HDAC7: variants seen among roughly 807,000 people sequenced by gnomAD.
HDAC7 encodes the protein histone deacetylase 7A.
HDAC7 carries 26 observed loss-of-function variants against 115.5 expected under a neutral mutation model. The ratio of observed to expected loss-of-function variants is 0.23; its 90% CI spans 0.16 to 0.31. The LOEUF is 0.31. HDAC7 is among the 10% of genes least tolerant of loss of function. The probability of loss-of-function intolerance (pLI) is 1.00; values close to 1 mark genes in which losing one functional copy is unlikely to be tolerated. For synonymous variants in HDAC7, 564 were observed against 550.9 expected (o/e 1.02, Z -0.33); for missense variants, 1,068 against 1,329.0 (o/e 0.80, Z 3.05).
rs934890288 is a variant in HDAC7 at position 47,784,227 on chromosome 12, G to A, written c.2792-10C>T. 1 of 1,607,654 alleles carries A rather than the reference G, an allele frequency of 6.2e-7. No individual in the cohort carries two copies. The highest frequency in any genetic ancestry group is 8.5e-7 in the Non-Finnish European group (1 of 1,177,054). The stretch of plus-strand genomic sequence containing the variant: ...CAGCCCCAGTATTTACCTGGGGTAA[G>A]ATGCCAGGTCAGAAAGGGTTGGAGA... On this transcript the variant is annotated splice_polypyrimidine_tract_variant and intron_variant, in intron 24 of 25. Coordinates refer to ENST00000080059, the MANE Select transcript of HDAC7 (RefSeq NM_015401.5).
At position 47,795,376 on chromosome 12, in the gene HDAC7, G is replaced by A. The variant is rs751392669; in HGVS notation, c.1092C>T (p.Pro364=). The part of the protein sequence containing the change: ...SGSHAPLLTV[P]GLGPLPFHFA... The stretch of plus-strand genomic sequence containing the variant: ...AGTGGAAGGGCAAGGGCCCAAGCCC[G>A]GGCACTGGAAAGAATCGGGGGGTGG... Residue 364 remains proline (P), a synonymous_variant, in exon 11 of 26, where the codon CCC becomes CCT. Coordinates refer to ENST00000080059, the MANE Select transcript of HDAC7 (RefSeq NM_015401.5). The surrounding 1 kb of genome is among the most constrained non-coding windows in gnomAD (Gnocchi z 4.3). 2.2e-5 allele frequency: 35 copies of A among 1,593,730 alleles called. No homozygotes were observed. Among genetic ancestry groups the A allele is most frequent in the Middle Eastern group, 1.7e-4 (1 of 5,978 alleles).
At position 47,797,732 on chromosome 12, in the gene HDAC7, G is replaced by A. The variant is rs1332614338; in HGVS notation, c.462-233C>T. On this transcript the variant is annotated intron_variant, in intron 5 of 25. Coordinates refer to ENST00000080059, the MANE Select transcript of HDAC7 (RefSeq NM_015401.5). This position sits in a 1 kb window ranked among gnomAD's most constrained non-coding sequence, Gnocchi z 5.5. ...TAGAAGCCAGGTGCTTGGTGCGTGG[G>A]TGAAGAGCCCACTGGGGGCTCTGTC... Among the ~76,000 whole-genome samples, 1 of 152,196 alleles carries A rather than the reference G, an allele frequency of 6.6e-6. No individual in the cohort carries two copies. The highest frequency in any genetic ancestry group is 1.5e-5 in the Non-Finnish European group (1 of 68,026).
intron 1 of HDAC7, among the ~76,000 whole-genome samples, chr12:47,804,990 T>G (rs1380782726): frequency 3.3e-5 from 5 of 152,114 alleles, no homozygotes; most frequent in African/African-American, 9.6e-5. Context: ...AGGAGCTTCA[T>G]GTCTTCAGTG....
chr12:47,802,475 C>A (rs1205936644), intron 1 of HDAC7: 2 of 1,551,082 alleles, frequency 1.3e-6, no homozygotes, highest in Admixed American at 2.0e-5. Flanking sequence ...GTGAAAAGGG[C>A]TCCCAGCTCC....
intron 13 of HDAC7, 36 bp from the exon 14 acceptor site, chr12:47,792,040 G>T (rs370233133): frequency 6.4e-7 from 1 of 1,572,222 alleles, no homozygotes; most frequent in Non-Finnish European, 8.7e-7. Flanking sequence ...GACCCAGGGA[G>T]TCCTCACGCC....
chr12:47,797,966 G>T lies in HDAC7; in HGVS notation c.461+142C>A. ...AGGTATCAGTTGAGAGAGGGGCTCG[G>T]GGGCATTATGTTTAGAGGAAGGGTA... is the stretch of plus-strand genomic sequence containing the variant. On this transcript the variant is annotated intron_variant, in intron 5 of 25. Coordinates refer to ENST00000080059, the MANE Select transcript of HDAC7 (RefSeq NM_015401.5). This position sits in a 1 kb window ranked among gnomAD's most constrained non-coding sequence, Gnocchi z 5.5. The T allele has an allele frequency of 1.4e-6, 1 of 711,584 alleles. No homozygotes were observed. The highest frequency in any genetic ancestry group is 2.6e-6 in the Non-Finnish European group (1 of 389,224). 44.1% of individuals were successfully genotyped at this position (711,584 alleles called of 1,614,324 possible).
chr12:47,798,660 C>A lies in HDAC7; in HGVS notation c.259-8G>T, dbSNP rs767427120. ...CGGCGTGTCCATGGAGAGCTGTGGG[C>A]AGGGCCGGCAGCCCAGAAAGGGACA... On this transcript the variant is annotated splice_polypyrimidine_tract_variant and splice_region_variant and intron_variant, in intron 3 of 25. Transcript: ENST00000080059. This position sits in a 1 kb window ranked among gnomAD's most constrained non-coding sequence, Gnocchi z 4.3. 1 of 1,610,446 alleles carries A rather than the reference C, an allele frequency of 6.2e-7. No homozygotes were observed. Among genetic ancestry groups the A allele is most frequent in the Non-Finnish European group, 8.5e-7 (1 of 1,178,284 alleles).
chr12:47,805,976 A>G (rs1944384957), intron 1 of HDAC7, among the ~76,000 whole-genome samples: 1 of 152,234 alleles, frequency 6.6e-6, no homozygotes, highest in Admixed American at 6.5e-5. Context: ...AACAAGTACA[A>G]TACTTGCAGA....
chr12:47,802,787 G>A (rs1944231976), intron 1 of HDAC7, among the ~76,000 whole-genome samples: 1 of 152,150 alleles, frequency 6.6e-6, no homozygotes, highest in Admixed American at 6.5e-5. Flanking sequence ...GGGAGTGAAA[G>A]GAGCAGGAGG....
intron 17 of HDAC7, 76 bp from the exon 18 acceptor site, chr12:47,789,654 C>T: frequency 6.6e-7 from 1 of 1,526,392 alleles, no homozygotes; most frequent in Non-Finnish European, 9.1e-7. Context: ...CCAAGAGTTC[C>T]AATCTCAACC....
At chr12:47,787,978 C>T in intron 20 of HDAC7, 67 bp downstream of exon 20, 1 of 1,592,122 alleles carries the variant, frequency 6.3e-7, no homozygotes, top group Non-Finnish European at 8.6e-7. Context: ...CTCGTCATGA[C>T]AGAGGCAGAG....
chr12:47,817,307 A>G (rs752856972), intron 1 of HDAC7: 1 of 152,262 alleles, frequency 6.6e-6, no homozygotes, highest in Non-Finnish European at 1.5e-5. Context: ...GTGGTTCCAA[A>G]CAACAACATC....
intron 1 of HDAC7, among the ~76,000 whole-genome samples, chr12:47,806,970 C>T (rs1162347121): frequency 3.3e-5 from 5 of 149,904 alleles, no homozygotes; most frequent in Middle Eastern, 3.4e-3. Context: ...GATGGAGTCT[C>T]GCTCTGTCAC....
rs780709510 is a variant in HDAC7 at position 47,802,227 on chromosome 12, C to A, written c.67G>T (p.Ala23Ser). Reference protein sequence around the residue: ...PGAHYCSPTGAGCPRPCADTP... With the variant: ...PGAHYCSPTGSGCPRPCADTP... ...CTCCCCCGGGTTTGACTCTTACCTG[C>A]GCCAGTGGGGCTGCAGTAGTGGGCA... Residue 23 changes from alanine to serine, a missense_variant, in exon 2 of 26, where the codon GCA becomes TCA. Coordinates refer to ENST00000080059, the MANE Select transcript of HDAC7 (RefSeq NM_015401.5). 27 of 1,613,538 alleles carry A rather than the reference C, an allele frequency of 1.7e-5. No homozygotes were observed. In the South Asian group the frequency reaches 2.7e-4, roughly 16 times the overall value.
chr12:47,807,340 G>A lies in HDAC7; in HGVS notation c.20-5066C>T, dbSNP rs1379805587. On this transcript the variant is annotated intron_variant, in intron 1 of 25. Coordinates refer to ENST00000080059, the MANE Select transcript of HDAC7 (RefSeq NM_015401.5). ...GCGAACACCTTATTATGTGCCAGGA[G>A]TTGTTCTAAGTACCCTACATTTGCT... Among the ~76,000 whole-genome samples, 4 of 152,202 alleles carry A rather than the reference G, an allele frequency of 2.6e-5. 1 individual carries two copies.
intron 24 of HDAC7, 141 bp from the exon 25 acceptor site, chr12:47,784,358 C>A (rs1943038470): frequency 1.1e-5 from 9 of 842,274 alleles, no homozygotes; most frequent in Non-Finnish European, 1.4e-5. Context: ...TCGGCTCTCC[C>A]ACCTGCCCCT....
chr12:47,786,526 A>G (rs1943179465), intron 22 of HDAC7, 59 bp downstream of exon 22: 4 of 1,278,464 alleles, frequency 3.1e-6, no homozygotes, highest in Middle Eastern at 1.9e-4. Flanking sequence ...GTGCCTCCCA[A>G]CTCCCCGCAC....
Position 47,795,039 on chromosome 12 carries a change from T to A in HDAC7, c.1285-106A>T. The A allele has an allele frequency of 1.5e-6, 2 of 1,359,236 alleles. No homozygotes were observed. The highest frequency in any genetic ancestry group is 2.0e-6 in the Non-Finnish European group (2 of 980,030). 84.2% of individuals were successfully genotyped at this position (1,359,236 alleles called of 1,614,324 possible). On this transcript the variant is annotated intron_variant, in intron 11 of 25. Transcript: ENST00000080059. This position sits in a 1 kb window ranked among gnomAD's most constrained non-coding sequence, Gnocchi z 4.3. ...CCAGTCATCTTGCTAGGACTCCAGC[T>A]GCCATGCAGCTCTGGGCCCCAAGAA...
chr12:47,796,105 G>A, intron 8 of HDAC7, 89 bp from the exon 9 acceptor site: 7 of 1,505,512 alleles, frequency 4.6e-6, no homozygotes, highest in Non-Finnish European at 6.3e-6. Context: ...TCTGGCAGGG[G>A]CTGCCCAGAC....
Sources: allele counts gnomAD v4.1 joint callset (sites outside exome capture counted in the v4.1 genomes callset), GRCh38; gene constraint gnomAD v4.1.1; non-coding constraint Gnocchi (gnomAD v3.1); transcripts MANE v1.5; gene names NCBI Gene and HGNC (gene_info 2026-07-23, HGNC 2026-07-21).